The following DAB1 variants were observed in gnomAD, a reference collection of about 807,000 sequenced individuals.
DAB1 encodes the protein DAB adaptor protein 1.
DAB1 carries 15 observed loss-of-function variants against 64.6 expected under a neutral mutation model. That is an observed-to-expected ratio of 0.23 (90% CI 0.16 to 0.36). The LOEUF (loss-of-function observed/expected upper bound fraction) is 0.36. Among genes scored for constraint, DAB1 ranks in the 10% least tolerant of loss-of-function variants. DAB1 has a pLI of 1.00. For missense variants in DAB1, 596 were observed against 706.7 expected, an observed-to-expected ratio of 0.84 and a Z score of 1.78; for synonymous variants, 235 against 251.9, an observed-to-expected ratio of 0.93 and a Z score of 0.64.
chr1:58,161,195 C>G (rs533888072), intron 4 of DAB1, among the ~76,000 whole-genome samples: 2 of 152,154 alleles, frequency 1.3e-5, no homozygotes, highest in African/African-American at 4.8e-5. Flanking sequence ...TTACTGAATG[C>G]CAGGTATTTA....
intron 5 of DAB1, among the ~76,000 whole-genome samples, chr1:58,096,373 C>T (rs1374430024): frequency 1.3e-5 from 2 of 152,180 alleles, no homozygotes; most frequent in South Asian, 2.1e-4. Context: ...ATAAATTGAT[C>T]ATAAGTGATG....
chr1:58,153,526 T>C (rs74075932), intron 4 of DAB1, among the ~76,000 whole-genome samples: 28,927 of 152,098 alleles, frequency 0.19, 2,927 homozygotes, highest in East Asian at 0.37. Context: ...ATATAGACAC[T>C]GTTTTATTAT....
chr1:57,748,449 TTAAA>T (rs112755782), intron 6 of DAB1, among the ~76,000 whole-genome samples: 1,986 of 152,294 alleles, frequency 0.013, 39 homozygotes, highest in African/African-American at 0.045. Context: ...TTTGTGCATG[TTAAA>T]TAAATAAATG....
chr1:57,633,770 G>C (rs2101631453), intron 7 of DAB1, among the ~76,000 whole-genome samples: 2 of 152,284 alleles, frequency 1.3e-5, no homozygotes, highest in African/African-American at 4.8e-5. Flanking sequence ...GATGCCATTA[G>C]AGGAAGGGAG....
intron 7 of DAB1, among the ~76,000 whole-genome samples, chr1:57,522,918 G>A (rs1418344505): frequency 2.6e-5 from 4 of 152,132 alleles, no homozygotes; most frequent in East Asian, 3.9e-4. Context: ...CAAGTTCTTC[G>A]GCTTTTGAAC....
At chr1:57,999,774 T>A (rs1224725494) in intron 5 of DAB1, among the ~76,000 whole-genome samples, 1 of 150,586 alleles carries the variant, frequency 6.6e-6, no homozygotes, top group Non-Finnish European at 1.5e-5. Flanking sequence ...TTATGCTGCC[T>A]TATAAAAAAG....
intron 4 of DAB1, among the ~76,000 whole-genome samples, chr1:58,261,966 T>C (rs1197087285): frequency 6.6e-6 from 1 of 152,152 alleles, no homozygotes; most frequent in African/African-American, 2.4e-5. Context: ...TTGTTTGCAA[T>C]CTCTATAAAA....
chr1:57,427,429 C>T (rs1386227286), upstream of DAB1, among the ~76,000 whole-genome samples: 1 of 152,134 alleles, frequency 6.6e-6, no homozygotes, highest in African/African-American at 2.4e-5. Context: ...TTGAACTTTA[C>T]ATAATTTATA....
intron 3 of DAB1, among the ~76,000 whole-genome samples, chr1:58,470,640 C>A (rs1213338454): frequency 2.0e-5 from 3 of 152,136 alleles, no homozygotes; most frequent in Non-Finnish European, 4.4e-5. Context: ...ACTGCAGTTT[C>A]TTTTTTGCCT....
intron 2 of DAB1, among the ~76,000 whole-genome samples, chr1:57,189,925 G>A (rs1299628942): frequency 6.6e-6 from 1 of 152,036 alleles, no homozygotes; most frequent in Non-Finnish European, 1.5e-5. Flanking sequence ...ACCTGAGAGT[G>A]TACAGCAGCT....
At chr1:57,624,788 T>G (rs1645902832) in intron 7 of DAB1, among the ~76,000 whole-genome samples, 3 of 152,192 alleles carry the variant, frequency 2.0e-5, no homozygotes, top group Admixed American at 1.3e-4. Flanking sequence ...CTAAGACTTA[T>G]TTGGGAGTTT....
chr1:58,054,166 C>T (rs895552612), intron 5 of DAB1, among the ~76,000 whole-genome samples: 1 of 152,166 alleles, frequency 6.6e-6, no homozygotes, highest in African/African-American at 2.4e-5. Flanking sequence ...TTAGAGTTTC[C>T]TAGGATGAGA....
chr1:58,244,681 T>C lies in DAB1; in HGVS notation n.310-94093A>G, dbSNP rs143179375. Among the ~76,000 whole-genome samples, 12 of 152,324 alleles carry C rather than the reference T, an allele frequency of 7.9e-5. No individual in the cohort carries two copies. In the East Asian group the frequency reaches 2.1e-3, roughly 27 times the overall value. ...CTTGTGCCTAGGACATGTTACTTAATGTCTCTGATCCCTGGTTTCCTTCTC... is the reference window on the plus strand; with the variant it reads ...CTTGTGCCTAGGACATGTTACTTAACGTCTCTGATCCCTGGTTTCCTTCTC... On this transcript the variant is annotated intron_variant and non_coding_transcript_variant, in intron 4 of 20. Coordinates refer to the DAB1 transcript ENST00000485760.
chr1:57,863,442 C>A (rs76458919), intron 1 of DAB1, among the ~76,000 whole-genome samples: 2,667 of 152,070 alleles, frequency 0.018, 90 homozygotes, highest in African/African-American at 0.062. Context: ...ACATCAAATA[C>A]GCCAATAGAA....
Position 57,113,967 on chromosome 1 carries a change from C to T in DAB1, c.306+22576G>A, listed in dbSNP as rs181037668. ...CACATACTCTTAGAGTACAGTTCAACTCTAGGATGGAACACTTCCCTGCTG... is the reference window on the plus strand; with the variant it reads ...CACATACTCTTAGAGTACAGTTCAATTCTAGGATGGAACACTTCCCTGCTG... On this transcript the variant is annotated intron_variant, in intron 4 of 14. Transcript: ENST00000371236. Among the ~76,000 whole-genome samples, 17 of 152,334 alleles carry T rather than the reference C, an allele frequency of 1.1e-4. No individual in the cohort carries two copies. In the East Asian group the frequency reaches 1.9e-3, roughly 17 times the overall value.
intron 6 of DAB1, among the ~76,000 whole-genome samples, chr1:57,684,559 C>A (rs914085562): frequency 6.6e-6 from 1 of 152,106 alleles, no homozygotes; most frequent in African/African-American, 2.4e-5. Context: ...CTCAGAAAAG[C>A]AAATGCCAAG....
chr1:57,472,638 C>T lies in DAB1; in HGVS notation n.625+176954G>A, dbSNP rs547327219. Among the ~76,000 whole-genome samples, 7 of 152,246 alleles carry T rather than the reference C, an allele frequency of 4.6e-5. No individual in the cohort carries two copies. In the East Asian group the frequency reaches 9.7e-4, roughly 21 times the overall value. ...GTCACATACCCGCTGCTTGCTCAAT[C>T]GATCACGACCCTCTCACGCGCACCC... On this transcript the variant is annotated intron_variant and non_coding_transcript_variant, in intron 7 of 20. Transcript: ENST00000485760.
intron 7 of DAB1, among the ~76,000 whole-genome samples, chr1:57,644,483 A>G (rs1409806962): frequency 6.6e-6 from 1 of 152,210 alleles, no homozygotes; most frequent in African/African-American, 2.4e-5. Flanking sequence ...TGAATCAATC[A>G]GGGTGCAACC....
chr1:57,732,355 C>T (rs1647473673), intron 6 of DAB1, among the ~76,000 whole-genome samples: 1 of 152,168 alleles, frequency 6.6e-6, no homozygotes, highest in Admixed American at 6.5e-5. Flanking sequence ...ACTGTGCAGT[C>T]TAGTGCTGGA....
Sources: allele counts gnomAD v4.1 joint callset (sites outside exome capture counted in the v4.1 genomes callset), GRCh38; gene constraint gnomAD v4.1.1; transcripts MANE v1.5; gene names NCBI Gene and HGNC (gene_info 2026-07-23, HGNC 2026-07-21).